The following TTLL7 variants were observed in gnomAD, a reference collection of about 807,000 sequenced individuals.
TTLL7 encodes the protein tubulin polyglutamylase TTLL7.
Under a neutral mutation model 120.2 loss-of-function variants are expected in TTLL7, and 53 were observed. That is an observed-to-expected ratio of 0.44 (90% CI 0.35 to 0.55). The LOEUF is 0.55. Among genes scored for constraint, TTLL7 ranks in the 20% least tolerant of loss-of-function variants. TTLL7 has a pLI of 0.00. For missense variants in TTLL7, 803 were observed against 1,054.7 expected, an observed-to-expected ratio of 0.76 and a Z score of 3.31; for synonymous variants, 353 against 351.7, an observed-to-expected ratio of 1.00 and a Z score of -0.04.
intron 7 of TTLL7, among the ~76,000 whole-genome samples, chr1:83,939,190 C>T (rs1647702363): frequency 6.6e-6 from 1 of 151,958 alleles, no homozygotes; most frequent in Non-Finnish European, 1.5e-5. Flanking sequence ...TTAAATGATA[C>T]TTAAAAGAAA....
At chr1:83,873,157 T>C (rs901190750) in intron 20 of TTLL7, among the ~76,000 whole-genome samples, 3 of 152,148 alleles carry the variant, frequency 2.0e-5, no homozygotes, top group Non-Finnish European at 4.4e-5. Flanking sequence ...AACTTTTTCA[T>C]AGAAGCAGAA....
At chr1:83,952,141 T>C in intron 2 of TTLL7, 46 bp downstream of exon 2, 1 of 1,575,936 alleles carries the variant, frequency 6.3e-7, no homozygotes, top group Non-Finnish European at 8.7e-7. Context: ...AGTAATGATG[T>C]ATAACACCTC....
In TTLL7 at chr1:83,992,571, A is replaced by G. The variant is rs1263385196; in HGVS notation, c.-177+6360T>C. Reference sequence around the variant, plus strand: ...CAGCTATAGACCAATTTCAAATCTCATTATGCTTCTGCATGCTAATTCTGC... The same window carrying G: ...CAGCTATAGACCAATTTCAAATCTCGTTATGCTTCTGCATGCTAATTCTGC... On this transcript the variant is annotated intron_variant, in intron 1 of 20. Coordinates refer to ENST00000260505, the MANE Select transcript of TTLL7 (RefSeq NM_024686.6). Among the ~76,000 whole-genome samples the G allele has an allele frequency of 3.3e-5, 5 of 152,154 alleles. No individual in the cohort carries two copies. In the East Asian group the frequency reaches 9.6e-4, roughly 29 times the overall value.
At chr1:83,989,252 G>A (rs1202211186) in intron 1 of TTLL7, among the ~76,000 whole-genome samples, 2 of 152,008 alleles carry the variant, frequency 1.3e-5, no homozygotes, top group Non-Finnish European at 2.9e-5. Context: ...CCTTCATCAA[G>A]GCAATGTTGG....
Position 83,868,909 on chromosome 1 carries a change from T to C in TTLL7, c.*1053A>G, listed in dbSNP as rs752485063. On this transcript the variant is annotated 3_prime_UTR_variant, in exon 21 of 21. Coordinates refer to ENST00000260505, the MANE Select transcript of TTLL7 (RefSeq NM_024686.6). The stretch of plus-strand genomic sequence containing the variant: ...AGTTTACATTTTATTTTTAACCCAT[T>C]GGATTGTCTTCCATTTTATTTATTT... 9 of 151,646 alleles carry C rather than the reference T, an allele frequency of 5.9e-5. No individual in the cohort carries two copies. The highest frequency in any genetic ancestry group is 2.0e-4 in the Admixed American group (3 of 15,246). The allele number at this position is 151,646 out of a possible 1,614,324, so 9.4% of individuals were successfully genotyped here.
intron 8 of TTLL7, among the ~76,000 whole-genome samples, chr1:83,934,300 A>G (rs1647214316): frequency 6.6e-6 from 1 of 152,194 alleles, no homozygotes; most frequent in Non-Finnish European, 1.5e-5. Flanking sequence ...TGTGGTTTCT[A>G]TATGTTAAAA....
intron 20 of TTLL7, among the ~76,000 whole-genome samples, chr1:83,875,572 C>T (rs1238369404): frequency 6.6e-6 from 1 of 151,808 alleles, no homozygotes; most frequent in Middle Eastern, 3.2e-3. Context: ...AAAGGGTAGG[C>T]TTTAGATGTA....
At chr1:83,941,885 C>G (rs987958951) in intron 7 of TTLL7, among the ~76,000 whole-genome samples, 1 of 152,158 alleles carries the variant, frequency 6.6e-6, no homozygotes, top group Non-Finnish European at 1.5e-5. Context: ...CACACTGAAA[C>G]TGCTCATTTG....
chr1:83,959,969 T>C (rs1241539294), intron 1 of TTLL7, among the ~76,000 whole-genome samples: 1 of 152,124 alleles, frequency 6.6e-6, no homozygotes, highest in Non-Finnish European at 1.5e-5. Flanking sequence ...ATAGGAATGA[T>C]AAACACCAAG....
intron 15 of TTLL7, among the ~76,000 whole-genome samples, chr1:83,909,975 T>C (rs17475438): frequency 0.081 from 12,386 of 152,118 alleles, 678 homozygotes; most frequent in Middle Eastern, 0.15. Context: ...AATGATGAAA[T>C]AGCTTACAAA....
intron 9 of TTLL7, among the ~76,000 whole-genome samples, chr1:83,933,120 A>G (rs1347803772): frequency 6.6e-6 from 1 of 152,162 alleles, no homozygotes; most frequent in East Asian, 1.9e-4. Context: ...CCCCAGGTAT[A>G]TAACATGGCC....
intron 19 of TTLL7, among the ~76,000 whole-genome samples, chr1:83,885,596 TTCTAC>T (rs1468285549): frequency 1.3e-5 from 2 of 151,968 alleles, no homozygotes; most frequent in Admixed American, 1.3e-4. Context: ...CAAGAGTAAA[TTCTAC>T]TCTATATATT....
At chr1:83,961,110 T>C (rs114238501) in intron 1 of TTLL7, among the ~76,000 whole-genome samples, 1,593 of 152,260 alleles carry the variant, frequency 0.01, 32 homozygotes, top group African/African-American at 0.036. Context: ...TAACTCCCAC[T>C]AATGCACTTA....
At chr1:83,923,455 G>GA (rs1261592063) in intron 10 of TTLL7, among the ~76,000 whole-genome samples, 1 of 151,772 alleles carries the variant, frequency 6.6e-6, no homozygotes, top group Non-Finnish European at 1.5e-5. Flanking sequence ...AGTATTCTAT[G>GA]AAAAAAATAA....
chr1:83,957,034 G>GAA (rs1017353858), intron 1 of TTLL7, among the ~76,000 whole-genome samples: 67 of 152,258 alleles, frequency 4.4e-4, no homozygotes, highest in African/African-American at 1.5e-3. Flanking sequence ...TCATTTAAAT[G>GAA]AAAGTATAAT....
rs764539717 is a variant in TTLL7, at chr1:83,869,974, A to AT, written c.2651dup (p.Tyr884Ter). The AT allele has an allele frequency of 1.3e-6, 2 of 1,593,938 alleles. No individual in the cohort carries two copies. The highest frequency in any genetic ancestry group is 2.7e-5 in the African/African-American group (2 of 73,762). The change falls in exon 21 of 21, where the codon TAT (tyrosine) becomes TAAT (stop). Residue 884 changes from tyrosine (Y) to a stop codon, truncating the protein, a stop_gained and frameshift_variant. Coordinates refer to ENST00000260505, the MANE Select transcript of TTLL7 (RefSeq NM_024686.6). LOFTEE classifies it high-confidence loss of function. Reference sequence around the variant, plus strand: ...CTTCCCTTCTGTTTCACAGATGGCCATATCTGGATGTAAACAAAACATTGG... The same window carrying AT: ...CTTCCCTTCTGTTTCACAGATGGCCATTATCTGGATGTAAACAAAACATTGG... The part of the protein sequence containing the change: ...TRSNVLFTSR[Y>*]GHL
chr1:83,905,175 T>C lies in TTLL7; in HGVS notation c.2128-1016A>G, dbSNP rs372433560. Among the ~76,000 whole-genome samples the C allele has an allele frequency of 8.9e-4, 136 of 152,108 alleles. No homozygotes were observed. The Middle Eastern group carries it at 0.01, about 11-fold the overall frequency. On this transcript the variant is annotated intron_variant, in intron 17 of 20. Coordinates refer to ENST00000260505, the MANE Select transcript of TTLL7 (RefSeq NM_024686.6). Reference sequence around the variant, plus strand: ...TGACATAGGTAAATAAAAGCACATCTAGTATAATACTTAACATCCAATGCT... The same window carrying C: ...TGACATAGGTAAATAAAAGCACATCCAGTATAATACTTAACATCCAATGCT...
Position 83,937,925 on chromosome 1 carries a change from C to G in TTLL7, c.815G>C (p.Arg272Pro). Residue 272 changes from arginine (R) to proline (P), a missense_variant, in exon 8 of 21, where the codon CGT becomes CCT. By Grantham distance (103) the Arg-to-Pro change is moderately radical (BLOSUM62 -2). Around this residue, in one of 3 missense-constraint regions of TTLL7, gnomAD observed 324 missense variants for 507.7 expected, o/e 0.64. Transcript: ENST00000260505. ...GAATTCTGTAAACCATTTGATGGAA[C>G]GTTTGCTGCCTTTGTTCTCAGTTTC... ...RDETENKGSK[R>P]SIKWFTEFLQ... is the part of the protein sequence containing the mutation. The G allele has an allele frequency of 1.2e-6, 2 of 1,614,038 alleles. No individual in the cohort carries two copies. The highest frequency in any genetic ancestry group is 1.7e-6 in the Non-Finnish European group (2 of 1,179,968).
At chr1:83,940,551 A>G (rs1380104802) in intron 7 of TTLL7, among the ~76,000 whole-genome samples, 3 of 152,110 alleles carry the variant, frequency 2.0e-5, no homozygotes, top group Non-Finnish European at 4.4e-5. Context: ...CATCCATCAG[A>G]TGTCAGAAAC....
Sources: gnomAD v4.1 joint callset for allele counts (sites outside exome capture counted in the v4.1 genomes callset) on GRCh38, gnomAD v4.1.1 for gene constraint, gnomAD v4.1.1 regional missense constraint, MANE v1.5 for transcripts, NCBI Gene and HGNC (gene_info 2026-07-23, HGNC 2026-07-21) for gene names.